Variants in KIAA0319 observed in about 807,000 individuals in gnomAD.
KIAA0319 encodes KIAA0319.
KIAA0319 carries 83 observed loss-of-function variants against 108.4 expected under a neutral mutation model. The ratio of observed to expected loss-of-function variants is 0.77; its 90% CI spans 0.64 to 0.92. The LOEUF (loss-of-function observed/expected upper bound fraction) is 0.92. KIAA0319 is among the 40% of genes least tolerant of loss of function. The probability of loss-of-function intolerance (pLI) is 0.00; values close to 1 mark genes in which losing one functional copy is unlikely to be tolerated. For missense variants in KIAA0319, 1,195 were observed against 1,322.4 expected (o/e 0.90, Z 1.49); for synonymous variants, 484 against 510.4 (o/e 0.95, Z 0.70).
chr6:24,616,555 T>C (rs999632025), intron 1 of KIAA0319, among the ~76,000 whole-genome samples: 1 of 152,212 alleles, frequency 6.6e-6, no homozygotes, highest in Non-Finnish European at 1.5e-5. Flanking sequence ...GGTTTCACCA[T>C]GTTGGCCAGG....
intron 13 of KIAA0319, among the ~76,000 whole-genome samples, chr6:24,567,480 G>A (rs1406667883): frequency 6.6e-6 from 1 of 152,134 alleles, no homozygotes; most frequent in Non-Finnish European, 1.5e-5. Context: ...GGCAGGATGA[G>A]TGCTTGAAGC....
intron 8 of KIAA0319, 40 bp downstream of exon 8, chr6:24,579,818 G>A: frequency 6.7e-7 from 1 of 1,495,740 alleles, no homozygotes; most frequent in Middle Eastern, 1.7e-4. Context: ...GTAGCACGTA[G>A]AGAAAAAAAG....
chr6:24,625,170 C>T (rs7751357), intron 1 of KIAA0319, among the ~76,000 whole-genome samples: 1 of 152,160 alleles, frequency 6.6e-6, no homozygotes, highest in African/African-American at 2.4e-5. Flanking sequence ...AAGAATAAAA[C>T]TGGTGTTAGG....
intron 3 of KIAA0319, among the ~76,000 whole-genome samples, chr6:24,589,254 G>T: frequency 6.6e-6 from 1 of 152,184 alleles, no homozygotes; most frequent in East Asian, 1.9e-4. Context: ...GAGCTAGCTA[G>T]CTCTCTTTCT....
chr6:24,570,328 G>A (rs958623105), intron 11 of KIAA0319, among the ~76,000 whole-genome samples: 31 of 152,264 alleles, frequency 2.0e-4, no homozygotes, highest in Admixed American at 1.8e-3. Context: ...AGTGGCTCAC[G>A]CCTGTAATCC....
chr6:24,599,356 T>C lies in KIAA0319; in HGVS notation c.55+1693A>G, dbSNP rs1182284049. ...TAGAGGGCTTCCCTAGAGGCCACCA[T>C]TGTGGATGCGGAGAAGCGTGGGGAG... On this transcript the variant is annotated intron_variant, in intron 2 of 20. Coordinates refer to ENST00000378214, the MANE Select transcript of KIAA0319 (RefSeq NM_014809.4). This position sits in a 1 kb window ranked among gnomAD's most constrained non-coding sequence, Gnocchi z 4.1. The C allele has an allele frequency of 1.1e-5, 6 of 521,968 alleles. No individual in the cohort carries two copies. Among genetic ancestry groups the C allele is most frequent in the East Asian group, 4.3e-5 (1 of 23,256 alleles). 32.3% of individuals were successfully genotyped at this position (521,968 alleles called of 1,614,324 possible).
intron 1 of KIAA0319, among the ~76,000 whole-genome samples, chr6:24,638,524 G>T (rs1776495266): frequency 6.6e-6 from 1 of 152,170 alleles, no homozygotes; most frequent in Admixed American, 6.5e-5. Flanking sequence ...ACTTTGGGAG[G>T]CTGAGGTGGG....
chr6:24,594,653 A>C (rs1353590007), intron 3 of KIAA0319, among the ~76,000 whole-genome samples: 2 of 151,918 alleles, frequency 1.3e-5, no homozygotes, highest in East Asian at 1.9e-4. Context: ...AAAAAAAAAA[A>C]ACACTTAAAA....
chr6:24,573,934 G>A (rs1765099699), intron 10 of KIAA0319, among the ~76,000 whole-genome samples: 1 of 151,910 alleles, frequency 6.6e-6, no homozygotes, highest in African/African-American at 2.4e-5. Context: ...GGCCAAAATG[G>A]TGAAACCCCG....
intron 3 of KIAA0319, 30 bp downstream of exon 3, chr6:24,595,843 C>T (rs1769454013): frequency 1.9e-6 from 3 of 1,557,426 alleles, no homozygotes; most frequent in Admixed American, 1.8e-5. Context: ...CAGCCCATCC[C>T]ACCCCCAAGC....
rs760317255 is a variant in KIAA0319 at position 24,596,512 on chromosome 6, G to T, written c.162C>A (p.Val54=). Residue 54 remains valine (V), a synonymous_variant, in exon 3 of 21, where the codon GTC becomes GTA. Transcript: ENST00000378214. ...CACAGCAAGCGGCCGTGCAGTCTAC[G>T]ACAGGGAAGGTGTGAGACACCCGCA... ...RIMRVSHTFP[V]VDCTAACCDL... 1 of 1,614,056 alleles carries T rather than the reference G, an allele frequency of 6.2e-7. No individual in the cohort carries two copies. Among genetic ancestry groups the T allele is most frequent in the Non-Finnish European group, 8.5e-7 (1 of 1,180,020 alleles).
chr6:24,604,188 T>C (rs1184178793), intron 1 of KIAA0319, among the ~76,000 whole-genome samples: 3 of 152,246 alleles, frequency 2.0e-5, no homozygotes, highest in Admixed American at 1.3e-4. Context: ...TACCTGGTTC[T>C]GCAAAGTTTG....
At chr6:24,555,482 G>A (rs1426026020) in intron 18 of KIAA0319, among the ~76,000 whole-genome samples, 2 of 108,190 alleles carry the variant, frequency 1.8e-5, no homozygotes, top group Non-Finnish European at 3.4e-5. Context: ...GGGTGACAGA[G>A]CAAGACTCCA....
chr6:24,584,064 T>C (rs1767061129), intron 4 of KIAA0319, among the ~76,000 whole-genome samples: 1 of 152,324 alleles, frequency 6.6e-6, no homozygotes, highest in South Asian at 2.1e-4. Flanking sequence ...GTGTGAGCTA[T>C]TTTTAGTTAT....
chr6:24,552,830 C>T (rs1298324294), intron 19 of KIAA0319, among the ~76,000 whole-genome samples: 2 of 152,180 alleles, frequency 1.3e-5, no homozygotes, highest in Non-Finnish European at 2.9e-5. Context: ...GTCTCCAACT[C>T]CTGACCTCAA....
intron 1 of KIAA0319, among the ~76,000 whole-genome samples, chr6:24,617,364 G>C (rs960144447): frequency 2.6e-5 from 4 of 151,992 alleles, no homozygotes; most frequent in Non-Finnish European, 5.9e-5. Context: ...TTATCCATGA[G>C]TGGAAAAAGT....
At chr6:24,639,862 A>AG (rs1776698363) in intron 1 of KIAA0319, among the ~76,000 whole-genome samples, 1 of 151,272 alleles carries the variant, frequency 6.6e-6, no homozygotes, top group Admixed American at 6.6e-5. Context: ...AAAAAAAAAA[A>AG]GTGCTGAACA....
downstream of KIAA0319, among the ~76,000 whole-genome samples, chr6:24,542,292 A>G (rs144535957): frequency 6.6e-6 from 1 of 152,354 alleles, no homozygotes; most frequent in East Asian, 1.9e-4. Context: ...GAGCCACGTA[A>G]TTAGTTTAAC....
Position 24,546,887 on chromosome 6 carries a change from T to C in KIAA0319, c.*278A>G, listed in dbSNP as rs1760700693. The C allele has an allele frequency of 6.6e-6, 2 of 304,422 alleles. No homozygotes were observed. Among genetic ancestry groups the C allele is most frequent in the East Asian group, 1.2e-4 (2 of 16,464 alleles). 18.9% of individuals were successfully genotyped at this position (304,422 alleles called of 1,614,324 possible). Reference sequence around the variant, plus strand: ...GATAGAAATCGTTGTTCATCTTTAATATGAGATTGTGCCAGCTACAAAAAC... The same window carrying C: ...GATAGAAATCGTTGTTCATCTTTAACATGAGATTGTGCCAGCTACAAAAAC... On this transcript the variant is annotated 3_prime_UTR_variant, in exon 21 of 21. Coordinates refer to ENST00000378214, the MANE Select transcript of KIAA0319 (RefSeq NM_014809.4).
Sources: allele counts gnomAD v4.1 joint callset (sites outside exome capture counted in the v4.1 genomes callset), GRCh38; gene constraint gnomAD v4.1.1; non-coding constraint Gnocchi (gnomAD v3.1); transcripts MANE v1.5; gene names NCBI Gene and HGNC (gene_info 2026-07-23, HGNC 2026-07-21).